Variants in AATF observed in about 807,000 individuals in gnomAD.
The protein encoded by AATF is protein AATF.
In AATF, 48 loss-of-function variants were observed where a neutral mutation model predicts 63.7. The ratio of observed to expected loss-of-function variants is 0.75; its 90% CI spans 0.60 to 0.96. AATF has a LOEUF of 0.96. Among genes scored for constraint, AATF ranks in the 40% least tolerant of loss-of-function variants. The pLI is 0.00. For missense variants in AATF, 639 were observed against 685.7 expected (o/e 0.93, Z 0.76); for synonymous variants, 258 against 247.7 (o/e 1.04, Z -0.39).
At chr17:37,049,169 A>G (rs1382007025) in intron 11 of AATF, among the ~76,000 whole-genome samples, 1 of 152,246 alleles carries the variant, frequency 6.6e-6, no homozygotes, top group Non-Finnish European at 1.5e-5. Flanking sequence ...TGAGCCAGTC[A>G]GAACCAACTC....
intron 8 of AATF, among the ~76,000 whole-genome samples, chr17:37,003,440 AT>A (rs2071316994): frequency 1.3e-5 from 2 of 150,670 alleles, no homozygotes; most frequent in African/African-American, 4.9e-5. Flanking sequence ...TGGTTTAGCA[AT>A]GTGGAAGTCA....
At chr17:37,047,429 A>G (rs530776759) in intron 11 of AATF, among the ~76,000 whole-genome samples, 2 of 152,300 alleles carry the variant, frequency 1.3e-5, no homozygotes, top group East Asian at 1.9e-4. Flanking sequence ...GACTGGCTTG[A>G]GTAAGGAGGA....
In AATF at chr17:37,048,121, A is replaced by G. The variant is rs188144949; in HGVS notation, c.1620-8480A>G. ...AGTTTTGGTTTGTTTTTTGGTATGG[A>G]ATTATGATGAGATTTCAGGAGAGAA... On this transcript the variant is annotated intron_variant, in intron 11 of 11. Coordinates refer to ENST00000619387, the MANE Select transcript of AATF (RefSeq NM_012138.4). 2.0e-5 allele frequency among the ~76,000 whole-genome samples: 3 copies of G among 151,646 alleles called. No individual in the cohort carries two copies. In the East Asian group the frequency reaches 5.8e-4, roughly 29 times the overall value.
At position 36,949,005 on chromosome 17, in the gene AATF, CTCTGGCG is replaced by C; in HGVS notation, c.-120_-114del. The C allele has an allele frequency of 2.0e-6, 2 of 980,170 alleles. No homozygotes were observed. Among genetic ancestry groups the C allele is most frequent in the Non-Finnish European group, 3.0e-6 (2 of 660,584 alleles). 60.7% of individuals were successfully genotyped at this position (980,170 alleles called of 1,614,324 possible). ...AGCTGTGGGGTGGCCTCCGCGCGGTCTCTGGCGGAGTCGGGGAATCGGATCAAGGCGA... is the reference window on the plus strand; with the variant it reads ...AGCTGTGGGGTGGCCTCCGCGCGGTCGAGTCGGGGAATCGGATCAAGGCGA... On this transcript the variant is annotated 5_prime_UTR_variant, in exon 1 of 12. Coordinates refer to ENST00000619387, the MANE Select transcript of AATF (RefSeq NM_012138.4).
At chr17:37,003,675 C>T (rs553929494) in intron 8 of AATF, among the ~76,000 whole-genome samples, 11 of 150,562 alleles carry the variant, frequency 7.3e-5, no homozygotes, top group African/African-American at 2.7e-4. Flanking sequence ...CCGTGTTGCC[C>T]AGGCTGGTCT....
At chr17:37,029,050 T>C (rs530731598) in intron 10 of AATF, among the ~76,000 whole-genome samples, 66 of 152,114 alleles carry the variant, frequency 4.3e-4, no homozygotes, top group African/African-American at 1.5e-3. Flanking sequence ...TGTTTGTTTT[T>C]TAGATAAGCT....
chr17:37,042,143 A>G (rs548437146), intron 11 of AATF, among the ~76,000 whole-genome samples: 127 of 152,192 alleles, frequency 8.3e-4, no homozygotes, highest in African/African-American at 2.9e-3. Context: ...TTACCTGTCA[A>G]TATTAATGAT....
chr17:37,055,819 T>A (rs924776802), intron 11 of AATF: 4 of 152,256 alleles, frequency 2.6e-5, no homozygotes, highest in Admixed American at 2.0e-4. Flanking sequence ...GCAGGGAGGA[T>A]CTGCTCTGTA....
intron 11 of AATF, chr17:37,043,221 T>A (rs2071658212): frequency 6.6e-6 from 1 of 152,298 alleles, no homozygotes; most frequent in Admixed American, 6.5e-5. Flanking sequence ...CATCGATGAC[T>A]TGTTGCCTTG....
intron 4 of AATF, among the ~76,000 whole-genome samples, chr17:36,964,610 C>G (rs2070976311): frequency 6.6e-6 from 1 of 152,158 alleles, no homozygotes; most frequent in Non-Finnish European, 1.5e-5. Flanking sequence ...GTGTTTTCTT[C>G]CCTGTTTTTT....
rs534877548 is a variant in AATF at position 36,978,447 on chromosome 17, C to T, written c.833-8170C>T. 6.4e-4 allele frequency among the ~76,000 whole-genome samples: 98 copies of T among 152,196 alleles called. 1 individual carries two copies. The Middle Eastern group carries it at 0.01, about 16-fold the overall frequency. The stretch of plus-strand genomic sequence containing the variant: ...GTGCCCTCTGAGATATGAAAACCCA[C>T]GTCTGCTTTTGGCTTAGCCTTCATG... On this transcript the variant is annotated intron_variant, in intron 4 of 11. Transcript: ENST00000619387.
intron 4 of AATF, among the ~76,000 whole-genome samples, chr17:36,983,765 A>G (rs2071146041): frequency 6.6e-6 from 1 of 152,238 alleles, no homozygotes; most frequent in Non-Finnish European, 1.5e-5. Context: ...GTGGTATGAT[A>G]TGCAGATTAT....
chr17:37,004,548 A>T (rs1469618021), intron 8 of AATF, among the ~76,000 whole-genome samples: 1 of 152,150 alleles, frequency 6.6e-6, no homozygotes. Flanking sequence ...TGGTCAGTAC[A>T]CAAGTAGGGA....
In AATF at chr17:36,988,524, A is replaced by G; in HGVS notation, c.953A>G (p.Glu318Gly). Residue 318 changes from glutamate to glycine, a missense_variant, in exon 6 of 12, where the codon GAG (glutamate) becomes GGG (glycine). Coordinates refer to ENST00000619387, the MANE Select transcript of AATF (RefSeq NM_012138.4). ...TATTCTTACTGCTTTTCTAGTGAGG[A>G]GATTTCTAGTGAAGATGATGAGCTG... is the stretch of plus-strand genomic sequence containing the variant. ...DGTKPNAGSEEISSEDDELVE... is the reference protein window; with the variant it reads ...DGTKPNAGSEGISSEDDELVE... The G allele has an allele frequency of 1.2e-6, 2 of 1,613,960 alleles. No homozygotes were observed. The highest frequency in any genetic ancestry group is 3.3e-5 in the Admixed American group (2 of 59,992).
At chr17:37,026,829 C>T (rs573580266) in intron 10 of AATF, among the ~76,000 whole-genome samples, 1 of 152,280 alleles carries the variant, frequency 6.6e-6, no homozygotes, top group African/African-American at 2.4e-5. Flanking sequence ...GCCACCTTAG[C>T]ATCCTTTCCT....
intron 4 of AATF, among the ~76,000 whole-genome samples, chr17:36,967,773 A>G (rs2071002865): frequency 2.0e-5 from 3 of 151,990 alleles, no homozygotes; most frequent in Non-Finnish European, 4.4e-5. Context: ...GATGGTTTGT[A>G]TATAGAATTC....
At chr17:36,973,932 G>A (rs773906939) in intron 4 of AATF, among the ~76,000 whole-genome samples, 2 of 152,198 alleles carry the variant, frequency 1.3e-5, no homozygotes, top group East Asian at 1.9e-4. Context: ...TTAGCTGGGC[G>A]TGGTGGCATA....
chr17:36,956,759 T>A (rs564334800), intron 4 of AATF, among the ~76,000 whole-genome samples: 95 of 152,086 alleles, frequency 6.2e-4, no homozygotes, highest in African/African-American at 2.3e-3. Flanking sequence ...GGCGGATCAC[T>A]TTAGGTCAAG....
chr17:36,986,787 A>T, intron 5 of AATF, 56 bp downstream of exon 5: 1 of 1,432,124 alleles, frequency 7.0e-7, no homozygotes, highest in Non-Finnish European at 9.8e-7. Flanking sequence ...ATAGTTTCCC[A>T]TCATTTATGA....
Sources: allele counts gnomAD v4.1 joint callset (sites outside exome capture counted in the v4.1 genomes callset), GRCh38; gene constraint gnomAD v4.1.1; transcripts MANE v1.5; gene names NCBI Gene and HGNC (gene_info 2026-07-23, HGNC 2026-07-21).